The following PRKG2 variants were observed in gnomAD, a reference collection of about 807,000 sequenced individuals.
PRKG2 encodes the protein cGMP-dependent protein kinase 2.
A neutral mutation model predicts 97.2 loss-of-function variants in PRKG2; 33 were observed. That is an observed-to-expected ratio of 0.34 (90% CI 0.26 to 0.45). PRKG2 has a LOEUF of 0.45. Among genes scored for constraint, PRKG2 ranks in the 20% least tolerant of loss-of-function variants. The pLI is 1.00. For synonymous variants in PRKG2, 330 were observed against 321.8 expected (o/e 1.03, Z -0.27); for missense variants, 638 against 900.0 (o/e 0.71, Z 3.73).
chr4:81,148,377 G>T (rs1233062585), intron 9 of PRKG2, among the ~76,000 whole-genome samples: 1 of 152,002 alleles, frequency 6.6e-6, no homozygotes, highest in East Asian at 1.9e-4. Context: ...TTATTTTGAA[G>T]AATAACCTAA....
At chr4:81,204,258 T>C (rs995346091) in intron 2 of PRKG2, among the ~76,000 whole-genome samples, 2 of 151,982 alleles carry the variant, frequency 1.3e-5, no homozygotes, top group Non-Finnish European at 2.9e-5. Context: ...CAATTCACTG[T>C]GATGTGTGTA....
intron 2 of PRKG2, among the ~76,000 whole-genome samples, chr4:81,187,853 C>A (rs771414021): frequency 6.6e-6 from 1 of 152,036 alleles, no homozygotes; most frequent in Non-Finnish European, 1.5e-5. Context: ...CTTCCTTACA[C>A]CTTATACAAA....
At chr4:81,140,481 TA>T (rs1747169501) in intron 12 of PRKG2, 51 bp downstream of exon 12, 1 of 1,454,404 alleles carries the variant, frequency 6.9e-7, no homozygotes, top group Non-Finnish European at 9.2e-7. Context: ...AGTAAATACA[TA>T]AATAAAGAGC....
intron 17 of PRKG2, among the ~76,000 whole-genome samples, chr4:81,101,851 TTTTG>T (rs906424294): frequency 1.8e-4 from 27 of 152,258 alleles, no homozygotes; most frequent in Non-Finnish European, 2.9e-4. Context: ...AAAGAAGCTT[TTTTG>T]TTTGTTTGTT....
chr4:81,169,337 A>G (rs1750258545), intron 5 of PRKG2, among the ~76,000 whole-genome samples: 1 of 152,126 alleles, frequency 6.6e-6, no homozygotes, highest in African/African-American at 2.4e-5. Context: ...ACCACTTTCA[A>G]ATTTCAAATG....
chr4:81,201,255 AAATCC>A (rs1753292981), intron 2 of PRKG2, among the ~76,000 whole-genome samples: 1 of 152,188 alleles, frequency 6.6e-6, no homozygotes, highest in African/African-American at 2.4e-5. Context: ...AATAAGTTAA[AAATCC>A]AGTTTCTTAG....
In PRKG2 at chr4:81,152,085, G is replaced by A. The variant is rs140852658; in HGVS notation, c.991-31C>T. On this transcript the variant is annotated intron_variant, in intron 7 of 18. Coordinates refer to ENST00000264399, the MANE Select transcript of PRKG2 (RefSeq NM_006259.3). Reference sequence around the variant, plus strand: ...CAATGTTAAGCAATACAAACAGAAAGAGACTGAAGAAAAAGGAGAATCTGA... The same window carrying A: ...CAATGTTAAGCAATACAAACAGAAAAAGACTGAAGAAAAAGGAGAATCTGA... 2.8e-5 allele frequency: 43 copies of A among 1,515,458 alleles called. 1 individual carries two copies. In the African/African-American group the frequency reaches 5.7e-4, roughly 20 times the overall value. 93.9% of individuals were successfully genotyped at this position (1,515,458 alleles called of 1,614,324 possible). A position where few individuals can be genotyped will look rare whatever the true frequency, so the allele number is the denominator to read the frequency against.
intron 1 of PRKG2, among the ~76,000 whole-genome samples, chr4:81,208,925 A>T (rs1195016909): frequency 2.0e-5 from 3 of 152,190 alleles, no homozygotes; most frequent in African/African-American, 4.8e-5. Flanking sequence ...TCCCTCATGT[A>T]GCCCCTATTT....
intron 14 of PRKG2, among the ~76,000 whole-genome samples, chr4:81,114,319 G>A (rs1012528295): frequency 1.3e-5 from 2 of 148,800 alleles, no homozygotes; most frequent in East Asian, 2.0e-4. Flanking sequence ...ACCTGTGTTT[G>A]GTGAAAAAAA....
At chr4:81,127,044 A>G (rs1337911575) in intron 14 of PRKG2, among the ~76,000 whole-genome samples, 1 of 152,154 alleles carries the variant, frequency 6.6e-6, no homozygotes, top group African/African-American at 2.4e-5. Context: ...ATTTTTGTAT[A>G]AGATGTAAGG....
chr4:81,118,730 C>A (rs1363905960), intron 14 of PRKG2, among the ~76,000 whole-genome samples: 1 of 152,130 alleles, frequency 6.6e-6, no homozygotes, highest in Non-Finnish European at 1.5e-5. Flanking sequence ...TTCTCCCAGT[C>A]AGTGGCTTGT....
chr4:81,113,474 A>G (rs979679792), intron 14 of PRKG2, among the ~76,000 whole-genome samples: 2 of 152,128 alleles, frequency 1.3e-5, no homozygotes, highest in South Asian at 4.1e-4. Context: ...ATTATTAACG[A>G]TGGCGTACAT....
intron 1 of PRKG2, among the ~76,000 whole-genome samples, chr4:81,209,915 A>C (rs1753878738): frequency 6.6e-6 from 1 of 152,122 alleles, no homozygotes; most frequent in African/African-American, 2.4e-5. Flanking sequence ...GGTAGACCTA[A>C]ACAGTACAGT....
intron 6 of PRKG2, chr4:81,165,084 T>C (rs1749867354): frequency 1.3e-5 from 2 of 152,190 alleles, no homozygotes; most frequent in Non-Finnish European, 1.5e-5. Flanking sequence ...TTCTCATTAG[T>C]TAACTCTTAA....
At chr4:81,163,962 GTTAT>G (rs1749781995) in intron 6 of PRKG2, among the ~76,000 whole-genome samples, 1 of 151,776 alleles carries the variant, frequency 6.6e-6, no homozygotes, top group Non-Finnish European at 1.5e-5. Context: ...TTTACAGTTA[GTTAT>G]TTATGTTGTT....
intron 13 of PRKG2, 46 bp downstream of exon 13, chr4:81,137,347 A>T: frequency 7.5e-7 from 1 of 1,332,730 alleles, no homozygotes; most frequent in Non-Finnish European, 1.1e-6. Flanking sequence ...AATGATTATA[A>T]ATATAGCCCT....
chr4:81,142,453 T>G (rs1231777202), intron 11 of PRKG2, among the ~76,000 whole-genome samples: 1 of 152,214 alleles, frequency 6.6e-6, no homozygotes, highest in Non-Finnish European at 1.5e-5. Context: ...AGACTAAATG[T>G]GTCATGAATG....
At chr4:81,181,368 G>A (rs929765907) in intron 2 of PRKG2, among the ~76,000 whole-genome samples, 9 of 151,888 alleles carry the variant, frequency 5.9e-5, no homozygotes, top group African/African-American at 2.2e-4. Context: ...CATAAAACTT[G>A]TAAGATGCAG....
At chr4:81,093,870 T>C (rs1232615309) in intron 17 of PRKG2, among the ~76,000 whole-genome samples, 1 of 152,174 alleles carries the variant, frequency 6.6e-6, no homozygotes, top group Non-Finnish European at 1.5e-5. Context: ...CAGGATCTTA[T>C]AATAAGAACA....
Sources: allele counts gnomAD v4.1 joint callset (sites outside exome capture counted in the v4.1 genomes callset), GRCh38; gene constraint gnomAD v4.1.1; transcripts MANE v1.5; gene names NCBI Gene and HGNC (gene_info 2026-07-23, HGNC 2026-07-21).